The following KATNA1 variants were observed in gnomAD, a reference collection of about 807,000 sequenced individuals.
The protein encoded by KATNA1 is katanin p60 ATPase-containing subunit A1.
KATNA1 carries 42 observed loss-of-function variants against 62.6 expected under a neutral mutation model. The observed-to-expected ratio is 0.67, with a 90% confidence interval of 0.52 to 0.87. The LOEUF (loss-of-function observed/expected upper bound fraction) is 0.87, where lower values mean the gene tolerates loss of function less well. KATNA1 is among the 40% of genes least tolerant of loss of function. The probability of loss-of-function intolerance (pLI) is 0.00; values close to 1 mark genes in which losing one functional copy is unlikely to be tolerated. For missense variants in KATNA1, 498 were observed against 612.5 expected (o/e 0.81, Z 1.97); for synonymous variants, 186 against 201.9 (o/e 0.92, Z 0.67).
At chr6:149,629,585 T>C (rs1168418746) in intron 3 of KATNA1, among the ~76,000 whole-genome samples, 1 of 152,096 alleles carries the variant, frequency 6.6e-6, no homozygotes, top group East Asian at 1.9e-4. Context: ...TAAATAAGAA[T>C]AAAACAAATT....
chr6:149,645,347 G>T lies in KATNA1; in HGVS notation c.-14+3122C>A, dbSNP rs185204676. 3.7e-3 allele frequency among the ~76,000 whole-genome samples: 565 copies of T among 152,030 alleles called. 6 individuals are homozygous for T. The highest frequency in any genetic ancestry group is 0.013 in the African/African-American group (526 of 41,458). On this transcript the variant is annotated intron_variant, in intron 1 of 10. Coordinates refer to ENST00000367411, the MANE Select transcript of KATNA1 (RefSeq NM_007044.4). ...AGTCCCAGCTACTTGGGAGGCTGAG[G>T]CAGGAGAATGGCATGAACCGGGAGG...
At chr6:149,632,083 T>G (rs1779861785) in intron 3 of KATNA1, among the ~76,000 whole-genome samples, 1 of 152,194 alleles carries the variant, frequency 6.6e-6, no homozygotes, top group East Asian at 1.9e-4. Context: ...TCTAACTTCC[T>G]CTCTTTGCGT....
chr6:149,628,389 G>A (rs954353921), intron 3 of KATNA1, among the ~76,000 whole-genome samples: 2 of 151,502 alleles, frequency 1.3e-5, no homozygotes, highest in African/African-American at 2.4e-5. Flanking sequence ...GATTACAGGC[G>A]TGAGCCACCG....
rs1433410797 is a variant in KATNA1 at position 149,626,341 on chromosome 6, C to A, written c.321-3058G>T. Among the ~76,000 whole-genome samples the A allele has an allele frequency of 3.5e-5, 4 of 114,802 alleles. No individual in the cohort carries two copies. The Admixed American group carries it at 3.6e-4, about 10-fold the overall frequency. 75.3% of individuals were successfully genotyped at this position (114,802 alleles called of 152,430 possible). On this transcript the variant is annotated intron_variant, in intron 3 of 10. Coordinates refer to ENST00000367411, the MANE Select transcript of KATNA1 (RefSeq NM_007044.4). ...ACGGAGTCTCGTTCTGTCGCCCAGG[C>A]GGGAGTGCTGTGGCGCGATCTCCGC... is the stretch of plus-strand genomic sequence containing the variant.
At chr6:149,612,335 C>CTT (rs1778992692) in intron 4 of KATNA1, among the ~76,000 whole-genome samples, 1 of 151,954 alleles carries the variant, frequency 6.6e-6, no homozygotes, top group Non-Finnish European at 1.5e-5. Context: ...TGGTGAAACT[C>CTT]TGTCTCTACT....
At chr6:149,615,426 A>G (rs1227509938) in intron 4 of KATNA1, among the ~76,000 whole-genome samples, 1 of 151,924 alleles carries the variant, frequency 6.6e-6, no homozygotes, top group East Asian at 1.9e-4. Context: ...GCTGGTCTCG[A>G]ACTCCTGAGC....
At chr6:149,640,334 G>C (rs1052863452) in intron 1 of KATNA1, among the ~76,000 whole-genome samples, 1 of 152,102 alleles carries the variant, frequency 6.6e-6, no homozygotes, top group East Asian at 1.9e-4. Flanking sequence ...GTGTGTGCCT[G>C]TAGTCCCAGC....
At chr6:149,628,904 A>G (rs1224271020) in intron 3 of KATNA1, among the ~76,000 whole-genome samples, 1 of 152,188 alleles carries the variant, frequency 6.6e-6, no homozygotes, top group Non-Finnish European at 1.5e-5. Context: ...AGAATATTAA[A>G]AGATGCCCAG....
At position 149,595,194 on chromosome 6, in the gene KATNA1, A is replaced by G. The variant is rs769311618; in HGVS notation, c.1318T>C (p.Leu440=). The change falls in exon 11 of 11, where the codon TTG becomes CTG. Residue 440 remains leucine (L), a synonymous_variant. Coordinates refer to ENST00000367411, the MANE Select transcript of KATNA1 (RefSeq NM_007044.4). ...LMAMRRRIEG[L]TPEEIRNLSK... ...AGATTTCGGATTTCCTCTGGAGTCA[A>G]ACCTTCAATGCGCCTTCTCATTGCC... 8.1e-6 allele frequency: 13 copies of G among 1,614,142 alleles called. No homozygotes were observed. The highest frequency in any genetic ancestry group is 1.1e-5 in the Non-Finnish European group (13 of 1,180,004).
chr6:149,645,517 A>C (rs555734761), intron 1 of KATNA1, among the ~76,000 whole-genome samples: 1 of 152,252 alleles, frequency 6.6e-6, no homozygotes, highest in East Asian at 1.9e-4. Context: ...CATGAACTAT[A>C]AACACAATCT....
Position 149,623,275 on chromosome 6 carries a change from G to T in KATNA1, c.329C>A (p.Pro110Gln). Reference sequence around the variant, plus strand: ...AGAAGATTGGCGTTTTCTAGGTCCTGGTGAGGGTCTAATCAAACAAAAACT... The same window carrying T: ...AGAAGATTGGCGTTTTCTAGGTCCTTGTGAGGGTCTAATCAAACAAAAACT... ...MPVPVERRPS[P>Q]GPRKRQSSQY... The change falls in exon 4 of 11, where the codon CCA becomes CAA. Residue 110 changes from proline (P) to glutamine (Q), a missense_variant. Around this residue, in one of 3 missense-constraint regions of KATNA1, gnomAD observed 203 missense variants for 198.4 expected, o/e 1.02. Coordinates refer to ENST00000367411, the MANE Select transcript of KATNA1 (RefSeq NM_007044.4). The T allele has an allele frequency of 6.3e-7, 1 of 1,594,532 alleles. No individual in the cohort carries two copies. The highest frequency in any genetic ancestry group is 1.2e-5 in the South Asian group (1 of 86,904).
intron 4 of KATNA1, among the ~76,000 whole-genome samples, chr6:149,606,734 T>C (rs1778755565): frequency 6.6e-6 from 1 of 151,728 alleles, no homozygotes; most frequent in African/African-American, 2.4e-5. Flanking sequence ...TTCTCCTGCC[T>C]CAGCCTTCCG....
intron 3 of KATNA1, among the ~76,000 whole-genome samples, chr6:149,632,411 T>C (rs958809480): frequency 1.3e-5 from 2 of 150,562 alleles, no homozygotes; most frequent in African/African-American, 2.4e-5. Context: ...ATCTGAGGCC[T>C]AAAAAGGTTT....
rs1250190442 is a variant in KATNA1 at position 149,601,617 on chromosome 6, G to A, written c.865C>T (p.Leu289Phe). 1 of 1,608,510 alleles carries A rather than the reference G, an allele frequency of 6.2e-7. No homozygotes were observed. ...ACCATTTCAAACAGAAGACGAACAA[G>A]CTTCTCAGATTCTCCTCTGTATTTG... Reference protein sequence around the residue: ...TSKYRGESEKLVRLLFEMARF... With the variant: ...TSKYRGESEKFVRLLFEMARF... Residue 289 changes from leucine (L) to phenylalanine (F), a missense_variant, in exon 7 of 11, where the codon CTT becomes TTT. Physicochemically the swap from Leu to Phe is conservative, Grantham distance 22. Around this residue, in one of 3 missense-constraint regions of KATNA1, gnomAD observed 267 missense variants for 372.6 expected, o/e 0.72. Coordinates refer to ENST00000367411, the MANE Select transcript of KATNA1 (RefSeq NM_007044.4).
At chr6:149,639,676 C>A (rs1403013810) in intron 1 of KATNA1, among the ~76,000 whole-genome samples, 1 of 152,130 alleles carries the variant, frequency 6.6e-6, no homozygotes, top group African/African-American at 2.4e-5. Flanking sequence ...TCCCTATTGT[C>A]AAAGCCCAGC....
intron 4 of KATNA1, among the ~76,000 whole-genome samples, chr6:149,612,969 G>C (rs1018375945): frequency 1.3e-5 from 2 of 151,554 alleles, no homozygotes; most frequent in Non-Finnish European, 2.9e-5. Context: ...CTGATAAAGA[G>C]TATCCACAAA....
At chr6:149,622,280 C>A (rs191090622) in intron 4 of KATNA1, among the ~76,000 whole-genome samples, 1 of 152,006 alleles carries the variant, frequency 6.6e-6, no homozygotes, top group Non-Finnish European at 1.5e-5. Context: ...CTACAGGCGC[C>A]CGCCACCACG....
At chr6:149,641,179 GT>G (rs34750075) in intron 1 of KATNA1, among the ~76,000 whole-genome samples, 51,233 of 130,410 alleles carry the variant, frequency 0.39, 10,308 homozygotes, top group East Asian at 0.8. Context: ...CTGGCCTCGG[GT>G]TTTTTTTTTT....
At chr6:149,604,830 T>G in intron 4 of KATNA1, 48 bp from the exon 5 acceptor site, 2 of 1,586,464 alleles carry the variant, frequency 1.3e-6, no homozygotes, top group Non-Finnish European at 8.6e-7. Flanking sequence ...TTATTTTGTT[T>G]CTGTGAGTCG....
Sources: gnomAD v4.1 joint callset for allele counts (sites outside exome capture counted in the v4.1 genomes callset) on GRCh38, gnomAD v4.1.1 for gene constraint, gnomAD v4.1.1 regional missense constraint, MANE v1.5 for transcripts, NCBI Gene and HGNC (gene_info 2026-07-23, HGNC 2026-07-21) for gene names.